The following PUDP variants were observed in gnomAD, a reference collection of about 807,000 sequenced individuals.
PUDP encodes the protein pseudouridine 5'-phosphatase.
Under a neutral mutation model 9.4 loss-of-function variants are expected in PUDP, and 8 were observed. The observed-to-expected ratio is 0.85, with a 90% CI of 0.50 to 1.53. PUDP has a LOEUF of 1.53. Among genes scored for constraint, PUDP ranks in the 40% most tolerant of loss-of-function variants. The probability of loss-of-function intolerance (pLI) is 0.00; values close to 1 mark genes in which losing one functional copy is unlikely to be tolerated. For synonymous variants in PUDP, 99 were observed against 80.7 expected, an observed-to-expected ratio of 1.23 and a Z score of -1.22; for missense variants, 188 against 189.7, an observed-to-expected ratio of 0.99 and a Z score of 0.05.
At chrX:6,905,831 A>C (rs1359460698) in intron 3 of PUDP, among the ~76,000 whole-genome samples, 1 of 112,122 alleles carries the variant, frequency 8.9e-6, no homozygotes, top group Non-Finnish European at 1.9e-5. Context: ...AGGTATCTTA[A>C]ATGCAAAATA....
intron 3 of PUDP, among the ~76,000 whole-genome samples, chrX:6,956,304 A>G (rs1334249707): frequency 1.8e-5 from 2 of 111,100 alleles, no homozygotes; most frequent in Non-Finnish European, 3.8e-5. Context: ...GGATTACAGC[A>G]TGAGCCACCA....
At chrX:6,833,192 T>C (rs1054200515) in intron 3 of PUDP, among the ~76,000 whole-genome samples, 3 of 112,615 alleles carry the variant, frequency 2.7e-5, no homozygotes, top group African/African-American at 6.5e-5. Context: ...TGAACACATA[T>C]ACTTATGAAG....
At chrX:6,730,015 C>T (rs1302221144) in intron 3 of PUDP, among the ~76,000 whole-genome samples, 1 of 112,228 alleles carries the variant, frequency 8.9e-6, no homozygotes, top group East Asian at 2.8e-4. Context: ...CAAGGAGAAG[C>T]ACCCTCTGCG....
intron 3 of PUDP, among the ~76,000 whole-genome samples, chrX:6,894,391 T>A (rs1210835357): frequency 8.9e-6 from 1 of 112,222 alleles, no homozygotes; most frequent in Non-Finnish European, 1.9e-5. Context: ...CACAACCACC[T>A]CCACAAATAC....
intron 3 of PUDP, among the ~76,000 whole-genome samples, chrX:6,909,453 T>G (rs1346838146): frequency 8.9e-6 from 1 of 111,979 alleles, no homozygotes; most frequent in Non-Finnish European, 1.9e-5. Context: ...TTCACCTTCT[T>G]TTTTCTTCAT....
chrX:7,070,258 G>C (rs73192625), intron 3 of PUDP, among the ~76,000 whole-genome samples: 4,493 of 111,826 alleles, frequency 0.04, 213 homozygotes, highest in African/African-American at 0.14. Flanking sequence ...TTGTTATTAC[G>C]GTTTTTTAAA....
At chrX:6,721,818 A>G (rs180963643), upstream of PUDP, among the ~76,000 whole-genome samples, 15 of 111,895 alleles carry the variant, frequency 1.3e-4, no homozygotes, top group African/African-American at 4.5e-4. Context: ...AAACTGGACA[A>G]GTTGATTCTT....
chrX:6,752,458 G>T (rs1452052799), intron 3 of PUDP, among the ~76,000 whole-genome samples: 3 of 111,933 alleles, frequency 2.7e-5, no homozygotes, highest in Non-Finnish European at 5.6e-5. Context: ...CCTGATCCAG[G>T]CTGTCCTTTT....
intron 3 of PUDP, among the ~76,000 whole-genome samples, chrX:6,808,239 T>C (rs1422772320): frequency 8.9e-6 from 1 of 112,007 alleles, no homozygotes; most frequent in Non-Finnish European, 1.9e-5. Flanking sequence ...ATGATTCATG[T>C]CCAGAATACT....
intron 1 of PUDP, among the ~76,000 whole-genome samples, chrX:6,980,047 T>G (rs1445529608): frequency 9.2e-6 from 1 of 108,896 alleles, no homozygotes; most frequent in African/African-American, 3.4e-5. Context: ...GTAGTTTTTC[T>G]TCTTTTCTTT....
chrX:6,885,431 AAG>A (rs1013999709), intron 3 of PUDP, among the ~76,000 whole-genome samples: 5 of 112,100 alleles, frequency 4.5e-5, no homozygotes, highest in African/African-American at 1.6e-4. Flanking sequence ...TACCCGTGAG[AAG>A]AGAGAGTTAC....
At chrX:6,950,279 A>C (rs1928530556) in intron 3 of PUDP, among the ~76,000 whole-genome samples, 1 of 100,109 alleles carries the variant, frequency 1.0e-5, no homozygotes, top group Non-Finnish European at 2.0e-5. Context: ...TGGAGGCTGC[A>C]ATGAGCCTTG....
chrX:6,984,462 C>G (rs752673054), intron 1 of PUDP, among the ~76,000 whole-genome samples: 1 of 111,457 alleles, frequency 9.0e-6, no homozygotes, highest in Non-Finnish European at 1.9e-5. Flanking sequence ...ATATAGAGTG[C>G]CATAAGTGCT....
At chrX:6,760,556 C>T (rs2146674612) in intron 3 of PUDP, among the ~76,000 whole-genome samples, 1 of 112,002 alleles carries the variant, frequency 8.9e-6, no homozygotes, top group African/African-American at 3.2e-5. Context: ...ATCATGCATT[C>T]CTGTTTATTA....
At chrX:6,970,033 G>T (rs1294229894) in intron 3 of PUDP, among the ~76,000 whole-genome samples, 1 of 111,761 alleles carries the variant, frequency 8.9e-6, no homozygotes, top group African/African-American at 3.3e-5. Flanking sequence ...TGGGGTTTAG[G>T]GGCCACGGGG....
At chrX:7,042,592 T>G (rs1409563140) in intron 1 of PUDP, among the ~76,000 whole-genome samples, 1 of 111,446 alleles carries the variant, frequency 9.0e-6, no homozygotes, top group Non-Finnish European at 1.9e-5. Flanking sequence ...TTCCTCCTTT[T>G]GTTATCAATA....
At chrX:6,822,226 G>C (rs1290745972) in intron 3 of PUDP, among the ~76,000 whole-genome samples, 1 of 111,662 alleles carries the variant, frequency 9.0e-6, no homozygotes, top group Non-Finnish European at 1.9e-5. Flanking sequence ...ACTTCACTAA[G>C]GCCTTCATTC....
intron 3 of PUDP, among the ~76,000 whole-genome samples, chrX:6,847,367 C>T (rs762833538): frequency 1.8e-5 from 2 of 111,646 alleles, no homozygotes; most frequent in African/African-American, 6.5e-5. Flanking sequence ...TGCCTAAACT[C>T]AAACTCTTTT....
intron 3 of PUDP, among the ~76,000 whole-genome samples, chrX:6,976,817 A>C (rs191693480): frequency 1.8e-5 from 2 of 111,837 alleles, no homozygotes; most frequent in Admixed American, 1.9e-4. Context: ...ATTACTTTCT[A>C]TGGATGAAAA....
Sources: allele counts gnomAD v4.1 joint callset (sites outside exome capture counted in the v4.1 genomes callset), GRCh38; gene constraint gnomAD v4.1.1; transcripts MANE v1.5; gene names NCBI Gene and HGNC (gene_info 2026-07-23, HGNC 2026-07-21).